Variants in PIP4K2B observed in about 807,000 individuals in gnomAD.
The protein encoded by PIP4K2B is phosphatidylinositol 5-phosphate 4-kinase type-2 beta.
Under a neutral mutation model 42.0 loss-of-function variants are expected in PIP4K2B, and 3 were observed. That is an observed-to-expected ratio of 0.07 (90% CI 0.03 to 0.18). PIP4K2B has a LOEUF of 0.18. Among genes scored for constraint, PIP4K2B ranks in the 10% least tolerant of loss-of-function variants. PIP4K2B has a pLI of 1.00. For missense variants in PIP4K2B, 332 were observed against 562.3 expected (o/e 0.59, Z 4.14); for synonymous variants, 204 against 210.1 (o/e 0.97, Z 0.25).
At chr17:38,775,154 C>T (rs961105087) in intron 7 of PIP4K2B, among the ~76,000 whole-genome samples, 2 of 152,030 alleles carry the variant, frequency 1.3e-5, no homozygotes, top group African/African-American at 2.4e-5. Flanking sequence ...GGGGTTTCAC[C>T]GTGTTAGCCA....
intron 2 of PIP4K2B, among the ~76,000 whole-genome samples, chr17:38,784,916 G>A (rs1274683988): frequency 6.6e-6 from 1 of 152,172 alleles, no homozygotes; most frequent in East Asian, 1.9e-4. Flanking sequence ...GGTGAAATCA[G>A]CCTGAATGCT....
At chr17:38,779,074 C>T (rs1909534902) in intron 5 of PIP4K2B, among the ~76,000 whole-genome samples, 1 of 152,202 alleles carries the variant, frequency 6.6e-6, no homozygotes, top group South Asian at 2.1e-4. Flanking sequence ...TGCTGGCAGT[C>T]CATGGGGGCC....
chr17:38,790,961 T>C (rs73985011), intron 1 of PIP4K2B, among the ~76,000 whole-genome samples: 7,780 of 152,206 alleles, frequency 0.051, 683 homozygotes, highest in African/African-American at 0.18. Context: ...TATTGAAATA[T>C]CTGCTACGTG....
At chr17:38,772,932 A>G (rs896655835) in intron 7 of PIP4K2B, among the ~76,000 whole-genome samples, 1 of 152,170 alleles carries the variant, frequency 6.6e-6, no homozygotes, top group African/African-American at 2.4e-5. Flanking sequence ...AATAAATTGC[A>G]TGCTGAGGTT....
At chr17:38,784,430 C>G (rs1909890754) in intron 2 of PIP4K2B, 91 bp from the exon 3 acceptor site, 1 of 733,556 alleles carries the variant, frequency 1.4e-6, no homozygotes, top group Admixed American at 2.6e-5. Flanking sequence ...GAGACAGAGT[C>G]TTGCTATGTT....
intron 2 of PIP4K2B, 87 bp from the exon 3 acceptor site, chr17:38,784,426 G>T: frequency 1.3e-6 from 1 of 763,840 alleles, no homozygotes. Flanking sequence ...AATAGAGACA[G>T]AGTCTTGCTA....
At chr17:38,773,270 GAAAAAA>G (rs1909147424) in intron 7 of PIP4K2B, among the ~76,000 whole-genome samples, 1 of 151,380 alleles carries the variant, frequency 6.6e-6, no homozygotes, top group African/African-American at 2.4e-5. Flanking sequence ...GGTAAAAATA[GAAAAAA>G]AAGGAAAAGG....
chr17:38,782,915 C>T (rs930478324), intron 3 of PIP4K2B, among the ~76,000 whole-genome samples: 3 of 151,976 alleles, frequency 2.0e-5, no homozygotes, highest in African/African-American at 4.8e-5. Flanking sequence ...AGGCCAGGTG[C>T]GGTGGCTCAC....
At chr17:38,779,347 G>C (rs774891356) in intron 5 of PIP4K2B, 36 bp downstream of exon 5, 2 of 1,585,098 alleles carry the variant, frequency 1.3e-6, no homozygotes, top group South Asian at 2.2e-5. Flanking sequence ...TCAGATAGAG[G>C]GGAGGCACAG....
chr17:38,787,376 A>G (rs959339146), intron 1 of PIP4K2B, among the ~76,000 whole-genome samples: 5 of 152,154 alleles, frequency 3.3e-5, no homozygotes, highest in Non-Finnish European at 7.4e-5. Context: ...TATTTTACCT[A>G]TTGAAACTCT....
chr17:38,794,938 A>G (rs1910559503), intron 1 of PIP4K2B, among the ~76,000 whole-genome samples: 1 of 151,774 alleles, frequency 6.6e-6, no homozygotes, highest in Non-Finnish European at 1.5e-5. Context: ...TGTCTCTACT[A>G]AAAATACAAA....
In PIP4K2B at chr17:38,766,671, G is replaced by C. The variant is rs1386478383; in HGVS notation, c.*3020C>G. 6.5e-6 allele frequency: 1 copy of C among 152,688 alleles called. No individual in the cohort carries two copies. The highest frequency in any genetic ancestry group is 2.4e-5 in the African/African-American group (1 of 41,440). 9.5% of individuals were successfully genotyped at this position (152,688 alleles called of 1,614,324 possible). A position where few individuals can be genotyped will look rare whatever the true frequency, so the allele number is the denominator to read the frequency against. On this transcript the variant is annotated 3_prime_UTR_variant, in exon 10 of 10. Transcript: ENST00000619039. ...AACAGCCACAGGGGCCACTCGTGGC[G>C]CCTGCCACAGACCAGCAACCCCTGA... is the stretch of plus-strand genomic sequence containing the variant.
Position 38,799,283 on chromosome 17 carries a change from A to G in PIP4K2B, c.142T>C (p.Trp48Arg). Residue 48 changes from tryptophan (W) to arginine (R), a missense_variant, in exon 1 of 10, where the codon TGG becomes CGG. Around this residue, in one of 6 missense-constraint regions of PIP4K2B, gnomAD observed 186 missense variants for 288.4 expected, o/e 0.64. Transcript: ENST00000619039. This position sits in a 1 kb window ranked among gnomAD's most constrained non-coding sequence, Gnocchi z 4.4. The part of the protein sequence containing the change: ...ASEPILSVLM[W>R]GVNHTINELS... ...CTGGTTACCGTGTGGTTCACCCCCC[A>G]CATCAGGACGCTGAGGATCGGCTCG... 6.2e-7 allele frequency: 1 copy of G among 1,604,220 alleles called. No homozygotes were observed. The highest frequency in any genetic ancestry group is 8.5e-7 in the Non-Finnish European group (1 of 1,176,332).
Position 38,786,931 on chromosome 17 carries a change from A to C in PIP4K2B, c.160-11T>G. On this transcript the variant is annotated splice_polypyrimidine_tract_variant and intron_variant, in intron 1 of 9. Coordinates refer to ENST00000619039, the MANE Select transcript of PIP4K2B (RefSeq NM_003559.5). ...GCTCAGCTCATTGATCTGAAAAGCA[A>C]GGAGAACGTAAGGCTCTCAGCCAGG... 1 of 1,591,760 alleles carries C rather than the reference A, an allele frequency of 6.3e-7. No homozygotes were observed. Among genetic ancestry groups the C allele is most frequent in the Non-Finnish European group, 8.6e-7 (1 of 1,159,578 alleles).
intron 1 of PIP4K2B, among the ~76,000 whole-genome samples, chr17:38,793,246 CTTTTTTT>C (rs67325199): frequency 4.7e-5 from 6 of 128,078 alleles, no homozygotes; most frequent in East Asian, 4.7e-4. Context: ...AAGATTTTTT[CTTTTTTT>C]TTTTTTTTTG....
chr17:38,776,662 A>AAAC (rs1567654788), intron 7 of PIP4K2B: 12 of 437,496 alleles, frequency 2.7e-5, no homozygotes, highest in African/African-American at 2.1e-4. Context: ...AACAAAAAAA[A>AAAC]CACCTATTAT....
chr17:38,779,871 C>G lies in PIP4K2B; in HGVS notation c.508-342G>C, dbSNP rs1909598312. The G allele has an allele frequency of 3.7e-5, 10 of 269,786 alleles. No homozygotes were observed. The Admixed American group carries it at 4.7e-4, about 13-fold the overall frequency. 16.7% of individuals were successfully genotyped at this position (269,786 alleles called of 1,614,324 possible). On this transcript the variant is annotated intron_variant, in intron 4 of 9. Transcript: ENST00000619039. ...CCACACCTTGCATCTCTTCTGCCAGCCTGATATGGGAATGCCGCAGGGAAG... is the reference window on the plus strand; with the variant it reads ...CCACACCTTGCATCTCTTCTGCCAGGCTGATATGGGAATGCCGCAGGGAAG...
At position 38,768,106 on chromosome 17, in the gene PIP4K2B, C is replaced by G. The variant is rs1227907696; in HGVS notation, c.*1585G>C. ...TTGGAGGGAGCCACAGGAAACCAAT[C>G]TATTCATTCAAAATGGTTTCACAAG... On this transcript the variant is annotated 3_prime_UTR_variant, in exon 10 of 10. Coordinates refer to ENST00000619039, the MANE Select transcript of PIP4K2B (RefSeq NM_003559.5). 2 of 152,276 alleles carry G rather than the reference C, an allele frequency of 1.3e-5. No individual in the cohort carries two copies. The highest frequency in any genetic ancestry group is 2.9e-5 in the Non-Finnish European group (2 of 68,058). 9.4% of individuals were successfully genotyped at this position (152,276 alleles called of 1,614,324 possible).
chr17:38,792,933 AT>A (rs879813607), intron 1 of PIP4K2B: 171 of 146,554 alleles, frequency 1.2e-3, no homozygotes, highest in Middle Eastern at 7.2e-3. Context: ...TTCTCTAAAG[AT>A]TTTTTTTTTT....
Sources: gnomAD v4.1 joint callset for allele counts (sites outside exome capture counted in the v4.1 genomes callset) on GRCh38, gnomAD v4.1.1 for gene constraint, gnomAD v4.1.1 regional missense constraint, Gnocchi (gnomAD v3.1) non-coding constraint, MANE v1.5 for transcripts, NCBI Gene and HGNC (gene_info 2026-07-23, HGNC 2026-07-21) for gene names.